RBFOX1: variants seen among roughly 807,000 people sequenced by gnomAD.
The protein encoded by RBFOX1 is RNA binding fox-1 homolog 1, also known as RNA binding protein fox-1 homolog 1.
Under a neutral mutation model 57.7 loss-of-function variants are expected in RBFOX1, and 8 were observed. The observed-to-expected ratio is 0.14, with a 90% CI of 0.08 to 0.25. The LOEUF (loss-of-function observed/expected upper bound fraction) is 0.25, where lower values mean the gene tolerates loss of function less well. Ranked by LOEUF, RBFOX1 falls within the 10% of genes least tolerant of loss-of-function variation. RBFOX1 has a pLI of 1.00. For synonymous variants in RBFOX1, 326 were observed against 222.4 expected, an observed-to-expected ratio of 1.47 and a Z score of -4.15; for missense variants, 611 against 548.5, an observed-to-expected ratio of 1.11 and a Z score of -1.14.
At chr16:5,865,644 A>T (rs1184882104) in intron 3 of RBFOX1, among the ~76,000 whole-genome samples, 1 of 152,248 alleles carries the variant, frequency 6.6e-6, no homozygotes, top group Non-Finnish European at 1.5e-5. Flanking sequence ...CAGCTAACTC[A>T]GGAAGTCATT....
intron 3 of RBFOX1, among the ~76,000 whole-genome samples, chr16:6,680,275 T>TC (rs1491484258): frequency 2.2e-3 from 156 of 70,710 alleles, no homozygotes; most frequent in Non-Finnish European, 4.0e-3. Flanking sequence ...TCTCTCTCTC[T>TC]TTTTTTTTTT....
chr16:6,019,122 C>G lies in RBFOX1; in HGVS notation c.-997C>G. ...ACACACACACATGCACACATTTTCT[C>G]GCGCTCTCTCCGGCTCTCCTTTGTT... is the stretch of plus-strand genomic sequence containing the variant. On this transcript the variant is annotated 5_prime_UTR_variant, in exon 1 of 16. Coordinates refer to ENST00000550418, the MANE Select transcript of RBFOX1 (RefSeq NM_018723.4). This position sits in a 1 kb window ranked among gnomAD's most constrained non-coding sequence, Gnocchi z 4.2. The G allele has an allele frequency of 1.0e-6, 1 of 985,048 alleles. No individual in the cohort carries two copies. The highest frequency in any genetic ancestry group is 1.2e-6 in the Non-Finnish European group (1 of 829,910). The allele number at this position is 985,048 out of a possible 1,614,324, so 61.0% of individuals were successfully genotyped here.
At chr16:5,501,147 C>A (rs1429410905) in intron 2 of RBFOX1, among the ~76,000 whole-genome samples, 2 of 151,878 alleles carry the variant, frequency 1.3e-5, no homozygotes, top group Admixed American at 1.3e-4. Context: ...GAAACCCCAT[C>A]TCTACTGAAA....
chr16:6,273,340 GTTTTTT>G (rs544640090), intron 1 of RBFOX1, among the ~76,000 whole-genome samples: 1 of 89,882 alleles, frequency 1.1e-5, no homozygotes, highest in Non-Finnish European at 2.0e-5. Context: ...GTTGTTGTTG[GTTTTTT>G]TTTTTTTTTT....
At position 7,530,242 on chromosome 16, in the gene RBFOX1, G is replaced by A. The variant is rs746187768; in HGVS notation, c.270+11853G>A. ...AGTGAGTATCACAGCAGAACCCAAT[G>A]TAAGGATGTCCTAAGAGAAAACTCC... On this transcript the variant is annotated intron_variant, in intron 5 of 15. Transcript: ENST00000550418. 5.1e-4 allele frequency among the ~76,000 whole-genome samples: 78 copies of A among 152,228 alleles called. 1 individual carries two copies. The highest frequency in any genetic ancestry group is 3.4e-3 in the Middle Eastern group (1 of 294).
At chr16:7,236,554 TA>T (rs1444339430) in intron 4 of RBFOX1, among the ~76,000 whole-genome samples, 1 of 152,190 alleles carries the variant, frequency 6.6e-6, no homozygotes, top group Non-Finnish European at 1.5e-5. Context: ...TTTTGGTAAT[TA>T]CTGTCAGATG....
chr16:7,612,508 G>A (rs951181073), intron 10 of RBFOX1, among the ~76,000 whole-genome samples: 3 of 151,714 alleles, frequency 2.0e-5, no homozygotes, highest in African/African-American at 7.3e-5. Context: ...GTTATCTAGT[G>A]TAGTTAAAAA....
intron 2 of RBFOX1, among the ~76,000 whole-genome samples, chr16:6,405,175 C>T (rs1208211323): frequency 6.6e-6 from 1 of 152,164 alleles, no homozygotes; most frequent in East Asian, 1.9e-4. Flanking sequence ...AAATACTATG[C>T]AGTCTCTTCT....
intron 4 of RBFOX1, among the ~76,000 whole-genome samples, chr16:5,978,512 A>G (rs981715885): frequency 7.9e-5 from 12 of 152,140 alleles, no homozygotes; most frequent in Non-Finnish European, 1.6e-4. Flanking sequence ...ATTACTATTA[A>G]GGCCACATTC....
chr16:5,391,399 C>A (rs1254195345), intron 1 of RBFOX1, among the ~76,000 whole-genome samples: 1 of 152,152 alleles, frequency 6.6e-6, no homozygotes, highest in Non-Finnish European at 1.5e-5. Context: ...TCACTAGTGG[C>A]TTCTGCTTCC....
chr16:6,621,419 G>C (rs966077350), intron 2 of RBFOX1, among the ~76,000 whole-genome samples: 2 of 152,182 alleles, frequency 1.3e-5, no homozygotes, highest in Non-Finnish European at 2.9e-5. Context: ...AACCAAGATT[G>C]CGCCACTGCG....
In RBFOX1 at chr16:6,420,504, C is replaced by G. The variant is rs575422216; in HGVS notation, c.-64+103447C>G. ...TGTAGTCTTTTGAAGAGATGTTAAG[C>G]CAGATATTTTTCTACTTTAAAGGGT... is the stretch of plus-strand genomic sequence containing the variant. On this transcript the variant is annotated intron_variant, in intron 2 of 15. Coordinates refer to ENST00000550418, the MANE Select transcript of RBFOX1 (RefSeq NM_018723.4). 2.0e-5 allele frequency among the ~76,000 whole-genome samples: 3 copies of G among 152,204 alleles called. No individual in the cohort carries two copies. In the East Asian group the frequency reaches 5.8e-4, roughly 29 times the overall value.
chr16:6,978,081 G>A (rs1189894530), intron 3 of RBFOX1, among the ~76,000 whole-genome samples: 2 of 142,860 alleles, frequency 1.4e-5, no homozygotes, highest in Non-Finnish European at 3.0e-5. Context: ...CCCCCTTCAT[G>A]TGGGTGTCAA....
chr16:7,554,671 A>AT (rs1298776209), intron 5 of RBFOX1, among the ~76,000 whole-genome samples: 1 of 149,384 alleles, frequency 6.7e-6, no homozygotes, highest in Non-Finnish European at 1.5e-5. Flanking sequence ...TAATTTTTTT[A>AT]TTTTTAAGCA....
intron 3 of RBFOX1, among the ~76,000 whole-genome samples, chr16:6,733,939 G>A (rs1455854384): frequency 6.6e-6 from 1 of 152,134 alleles, no homozygotes; most frequent in Non-Finnish European, 1.5e-5. Context: ...AGTCTGAATA[G>A]CATCGTTGTC....
chr16:6,311,063 A>G (rs184746972), intron 1 of RBFOX1, among the ~76,000 whole-genome samples: 4 of 152,178 alleles, frequency 2.6e-5, no homozygotes, highest in South Asian at 4.1e-4. Flanking sequence ...TTGGGAGGCC[A>G]AGGCGGGCAA....
intron 4 of RBFOX1, among the ~76,000 whole-genome samples, chr16:7,132,566 C>G (rs1320339394): frequency 1.3e-5 from 2 of 149,634 alleles, no homozygotes; most frequent in Non-Finnish European, 3.0e-5. Flanking sequence ...GTGAGAGGCA[C>G]ACATGTTTAT....
At chr16:5,735,808 G>A (rs1344707374) in intron 3 of RBFOX1, among the ~76,000 whole-genome samples, 10 of 152,048 alleles carry the variant, frequency 6.6e-5, no homozygotes, top group African/African-American at 2.4e-4. Flanking sequence ...CTCGGGAGGC[G>A]GAGGTTGCAG....
intron 14 of RBFOX1, among the ~76,000 whole-genome samples, chr16:7,699,540 A>G (rs921439112): frequency 2.0e-5 from 3 of 152,252 alleles, no homozygotes; most frequent in South Asian, 4.1e-4. Flanking sequence ...AGGACTTGCT[A>G]AAGTTGTGTT....
Sources: gnomAD v4.1 joint callset for allele counts (sites outside exome capture counted in the v4.1 genomes callset) on GRCh38, gnomAD v4.1.1 for gene constraint, Gnocchi (gnomAD v3.1) non-coding constraint, MANE v1.5 for transcripts, NCBI Gene and HGNC (gene_info 2026-07-23, HGNC 2026-07-21) for gene names.